GALNT11: variants seen among roughly 807,000 people sequenced by gnomAD.
GALNT11 encodes polypeptide N-acetylgalactosaminyltransferase 11, also known as UDP-GalNAc:polypeptide N-acetylgalactosaminyltransferase 11.
GALNT11 carries 47 observed loss-of-function variants against 72.7 expected under a neutral mutation model. That is an observed-to-expected ratio of 0.65 (90% CI 0.51 to 0.82). The LOEUF (loss-of-function observed/expected upper bound fraction) is 0.82. GALNT11 is among the 40% of genes least tolerant of loss of function. GALNT11 has a pLI of 0.00. For synonymous variants in GALNT11, 270 were observed against 286.6 expected (o/e 0.94, Z 0.58); for missense variants, 677 against 778.4 (o/e 0.87, Z 1.55).
chr7:152,119,830 T>A (rs1225407291), intron 10 of GALNT11: 2 of 152,126 alleles, frequency 1.3e-5, no homozygotes, highest in Admixed American at 1.3e-4. Context: ...AAGCAAAGAT[T>A]GTACCACTGC....
rs756592916 is a variant in GALNT11 at position 152,103,197 on chromosome 7, C to T, written c.505C>T (p.Arg169Trp). 7.4e-6 allele frequency: 12 copies of T among 1,613,650 alleles called. No homozygotes were observed. The highest frequency in any genetic ancestry group is 8.5e-6 in the Non-Finnish European group (10 of 1,179,802). ...FYNEAFSALLRTVHSVIDRTP... is the reference protein window; with the variant it reads ...FYNEAFSALLWTVHSVIDRTP... ...TAATGAAGCGTTTTCTGCCTTGCTT[C>T]GGACAGTGCACAGTGTCATAGACCG... Residue 169 changes from arginine to tryptophan, a missense_variant, in exon 4 of 12, where the codon CGG becomes TGG. Transcript: ENST00000430044.
At chr7:152,105,492 A>G in intron 5 of GALNT11, 122 bp downstream of exon 5, 1 of 1,404,978 alleles carries the variant, frequency 7.1e-7, no homozygotes. Context: ...TGCCAGCAGG[A>G]GAGATGAGGC....
intron 2 of GALNT11, among the ~76,000 whole-genome samples, chr7:152,095,487 G>C (rs2086312938): frequency 6.6e-6 from 1 of 152,082 alleles, no homozygotes; most frequent in Non-Finnish European, 1.5e-5. Context: ...AATAAAATCA[G>C]TTCTTAGGAC....
At chr7:152,075,632 C>T (rs541765874) in intron 1 of GALNT11, among the ~76,000 whole-genome samples, 1 of 152,246 alleles carries the variant, frequency 6.6e-6, no homozygotes, top group African/African-American at 2.4e-5. Flanking sequence ...CATGGAGAAA[C>T]TCCGTCTACA....
intron 1 of GALNT11, among the ~76,000 whole-genome samples, chr7:152,090,449 T>A (rs2085936573): frequency 6.6e-6 from 1 of 152,262 alleles, no homozygotes; most frequent in Non-Finnish European, 1.5e-5. Context: ...AATTTAGCCA[T>A]ATCCTATGGG....
intron 9 of GALNT11, 71 bp downstream of exon 9, chr7:152,117,446 G>A: frequency 7.1e-7 from 1 of 1,411,372 alleles, no homozygotes; most frequent in Non-Finnish European, 1.0e-6. Flanking sequence ...GTGTCCATAA[G>A]CTATGACAGG....
At chr7:152,067,564 T>C (rs2129005687) in intron 1 of GALNT11, among the ~76,000 whole-genome samples, 1 of 152,356 alleles carries the variant, frequency 6.6e-6, no homozygotes, top group Non-Finnish European at 1.5e-5. Context: ...TCTGTCCCTT[T>C]GATGTGCCCC....
intron 1 of GALNT11, among the ~76,000 whole-genome samples, chr7:152,062,392 A>G (rs1234110111): frequency 6.6e-6 from 1 of 152,242 alleles, no homozygotes; most frequent in Non-Finnish European, 1.5e-5. Context: ...TTCTAAATAT[A>G]CAATCATGTC....
intron 1 of GALNT11, among the ~76,000 whole-genome samples, chr7:152,071,536 C>A (rs1016010221): frequency 2.0e-5 from 3 of 152,146 alleles, no homozygotes; most frequent in African/African-American, 7.2e-5. Context: ...ACATGCTGTA[C>A]AATTTGTGCA....
intron 3 of GALNT11, among the ~76,000 whole-genome samples, chr7:152,102,447 C>T (rs1409397597): frequency 1.3e-5 from 2 of 151,974 alleles, no homozygotes; most frequent in Non-Finnish European, 2.9e-5. Context: ...GAGGTTGAGG[C>T]AGGAGAATCG....
intron 1 of GALNT11, among the ~76,000 whole-genome samples, chr7:152,047,481 CAAACA>C (rs750495997): frequency 5.9e-5 from 9 of 151,456 alleles, no homozygotes; most frequent in Non-Finnish European, 8.8e-5. Context: ...AACAAACAAA[CAAACA>C]AAACAAACAA....
At chr7:152,035,241 A>G (rs1395333077) in intron 1 of GALNT11, among the ~76,000 whole-genome samples, 2 of 152,130 alleles carry the variant, frequency 1.3e-5, no homozygotes, top group Non-Finnish European at 2.9e-5. Flanking sequence ...ATGTCTTTCT[A>G]ATTGGTGAGC....
In GALNT11 at chr7:152,063,510, G is replaced by T. The variant is rs538926843; in HGVS notation, c.-38-30680G>T. On this transcript the variant is annotated intron_variant, in intron 1 of 11. Transcript: ENST00000430044. ...TATTTCTTGCCTTCTGCTAGCTTTT[G>T]AATGTGTTTGCTCTTGCTTCTCTAG... 7.2e-5 allele frequency among the ~76,000 whole-genome samples: 11 copies of T among 152,200 alleles called. No homozygotes were observed. In the South Asian group the frequency reaches 2.3e-3, roughly 32 times the overall value.
intron 1 of GALNT11, among the ~76,000 whole-genome samples, chr7:152,092,701 A>G (rs903518243): frequency 6.6e-6 from 1 of 152,222 alleles, no homozygotes. Flanking sequence ...TACTGATGCC[A>G]GTTTGCTTTG....
At position 152,112,298 on chromosome 7, in the gene GALNT11, T is replaced by C. The variant is rs577073881; in HGVS notation, c.1081-948T>C. On this transcript the variant is annotated intron_variant, in intron 7 of 11. Coordinates refer to ENST00000430044, the MANE Select transcript of GALNT11 (RefSeq NM_022087.4). ...GCTCACGCCTATAATCCCAGCACTT[T>C]GGGAGGCCAAGGTGGGCTGATCCTG... 3.9e-4 allele frequency among the ~76,000 whole-genome samples: 59 copies of C among 152,310 alleles called. 1 individual carries two copies. The highest frequency in any genetic ancestry group is 1.4e-3 in the African/African-American group (58 of 41,566).
Position 152,121,878 on chromosome 7 carries a change from A to G in GALNT11, c.*201A>G. ...CGGGAGCTCTGAGTGTCCACGGGTG[A>G]AGAAGTGAGTGTCCACGGGTGAAGA... On this transcript the variant is annotated 3_prime_UTR_variant, in exon 12 of 12. Coordinates refer to ENST00000430044, the MANE Select transcript of GALNT11 (RefSeq NM_022087.4). 1 of 554,462 alleles carries G rather than the reference A, an allele frequency of 1.8e-6. No homozygotes were observed. Among genetic ancestry groups the G allele is most frequent in the Non-Finnish European group, 3.1e-6 (1 of 323,926 alleles). 34.3% of individuals were successfully genotyped at this position (554,462 alleles called of 1,614,324 possible). A position where few individuals can be genotyped will look rare whatever the true frequency, so the allele number is the denominator to read the frequency against.
intron 1 of GALNT11, among the ~76,000 whole-genome samples, chr7:152,072,521 G>C (rs2084717484): frequency 6.6e-6 from 1 of 152,190 alleles, no homozygotes. Flanking sequence ...TTCAGTATCT[G>C]TGTTAAACAT....
chr7:152,095,812 T>G (rs1348808189), intron 2 of GALNT11, among the ~76,000 whole-genome samples: 1 of 152,174 alleles, frequency 6.6e-6, no homozygotes, highest in Admixed American at 6.6e-5. Context: ...GTGAGAGAAT[T>G]GTAGATATTG....
At chr7:152,104,784 A>G (rs972500443) in intron 4 of GALNT11, 4 of 152,316 alleles carry the variant, frequency 2.6e-5, no homozygotes, top group African/African-American at 4.8e-5. Flanking sequence ...GACATATTCA[A>G]TGCTGTTCTT....
Sources: gnomAD v4.1 joint callset for allele counts (sites outside exome capture counted in the v4.1 genomes callset) on GRCh38, gnomAD v4.1.1 for gene constraint, MANE v1.5 for transcripts, NCBI Gene and HGNC (gene_info 2026-07-23, HGNC 2026-07-21) for gene names.